Variants in CACNG8 observed in about 807,000 individuals in gnomAD.
The protein encoded by CACNG8 is voltage-dependent calcium channel gamma-8 subunit.
In CACNG8, 5 loss-of-function variants were observed where a neutral mutation model predicts 26.9. That is an observed-to-expected ratio of 0.19 (90% CI 0.10 to 0.39). The LOEUF (loss-of-function observed/expected upper bound fraction) is 0.39, where lower values mean the gene tolerates loss of function less well. Among genes scored for constraint, CACNG8 ranks in the 10% least tolerant of loss-of-function variants. CACNG8 has a pLI of 1.00. For missense variants in CACNG8, 473 were observed against 609.4 expected, an observed-to-expected ratio of 0.78 and a Z score of 2.36; for synonymous variants, 321 against 296.7, an observed-to-expected ratio of 1.08 and a Z score of -0.84.
Position 53,982,942 on chromosome 19 carries a change from C to A in CACNG8, c.*93C>A. 1 of 876,894 alleles carries A rather than the reference C, an allele frequency of 1.1e-6. No individual in the cohort carries two copies. Among genetic ancestry groups the A allele is most frequent in the Non-Finnish European group, 1.5e-6 (1 of 689,086 alleles). The allele number at this position is 876,894 out of a possible 1,614,324, so 54.3% of individuals were successfully genotyped here. A position where few individuals can be genotyped will look rare whatever the true frequency, so the allele number is the denominator to read the frequency against. On this transcript the variant is annotated 3_prime_UTR_variant, in exon 4 of 4. Coordinates refer to ENST00000270458, the MANE Select transcript of CACNG8 (RefSeq NM_031895.6). The surrounding 1 kb of genome is among the most constrained non-coding windows in gnomAD (Gnocchi z 8.4). ...CGGGGTCGGGGGCGCCCCCGCTTTC[C>A]CCCGTGAGCGCGCTGGAGACTGCTG...
In CACNG8 at chr19:53,987,307, T is replaced by C. The variant is rs2145945475; in HGVS notation, c.*4458T>C. The C allele has an allele frequency of 1.3e-5, 2 of 152,346 alleles. 1 individual carries two copies. The highest frequency in any genetic ancestry group is 6.8e-3 in the Middle Eastern group (2 of 294). The allele number at this position is 152,346 out of a possible 1,614,324, so 9.4% of individuals were successfully genotyped here. A position where few individuals can be genotyped will look rare whatever the true frequency, so the allele number is the denominator to read the frequency against. ...CCAATCTGAAATTCCTGGCTTCAAA[T>C]GATCCACCTGCCTCGGCCTCCCAAA... On this transcript the variant is annotated 3_prime_UTR_variant, in exon 4 of 4. Coordinates refer to ENST00000270458, the MANE Select transcript of CACNG8 (RefSeq NM_031895.6).
chr19:53,975,291 G>A (rs8111479), intron 1 of CACNG8, among the ~76,000 whole-genome samples: 131,825 of 152,238 alleles, frequency 0.87, 57,447 homozygotes, highest in African/African-American at 0.97. Flanking sequence ...CGAATATGAG[G>A]TGGTATCTCA....
At position 53,987,863 on chromosome 19, in the gene CACNG8, C is replaced by T. The variant is rs1051114864; in HGVS notation, c.*5014C>T. The T allele has an allele frequency of 1.3e-5, 2 of 151,576 alleles. No homozygotes were observed. Among genetic ancestry groups the T allele is most frequent in the Non-Finnish European group, 2.9e-5 (2 of 67,986 alleles). 9.4% of individuals were successfully genotyped at this position (151,576 alleles called of 1,614,324 possible). ...GGCTCAAAAACGTAAGTTTTGGAAA[C>T]GTCAACATAAAGCCACAGGATTGGG... On this transcript the variant is annotated 3_prime_UTR_variant, in exon 4 of 4. Coordinates refer to ENST00000270458, the MANE Select transcript of CACNG8 (RefSeq NM_031895.6).
chr19:53,985,142 G>T lies in CACNG8; in HGVS notation c.*2293G>T, dbSNP rs1450672640. The T allele has an allele frequency of 6.6e-6, 1 of 152,276 alleles. No individual in the cohort carries two copies. The highest frequency in any genetic ancestry group is 1.5e-5 in the Non-Finnish European group (1 of 68,100). 9.4% of individuals were successfully genotyped at this position (152,276 alleles called of 1,614,324 possible). ...CTTCCCTTCCATATTTGCTCAGCAA[G>T]TGTTTCCTGAGGCCTCCCCCGAAGC... On this transcript the variant is annotated 3_prime_UTR_variant, in exon 4 of 4. Coordinates refer to ENST00000270458, the MANE Select transcript of CACNG8 (RefSeq NM_031895.6).
intron 1 of CACNG8, among the ~76,000 whole-genome samples, chr19:53,965,459 T>C (rs1327839755): frequency 1.3e-5 from 2 of 151,882 alleles, no homozygotes; most frequent in African/African-American, 4.8e-5. Context: ...TGAGTTCATG[T>C]CCATTCACTG....
intron 3 of CACNG8, among the ~76,000 whole-genome samples, chr19:53,981,433 T>C (rs2069367672): frequency 6.8e-6 from 1 of 146,718 alleles, no homozygotes; most frequent in African/African-American, 2.6e-5. Context: ...CCAGCCAGGG[T>C]GGGGTTTAGA....
chr19:53,967,637 C>T (rs1228490014), intron 1 of CACNG8, among the ~76,000 whole-genome samples: 1 of 152,044 alleles, frequency 6.6e-6, no homozygotes, highest in Non-Finnish European at 1.5e-5. Flanking sequence ...GAGTTCAAGA[C>T]CAGCCTGGCC....
At chr19:53,980,644 G>T (rs1052772797) in intron 3 of CACNG8, among the ~76,000 whole-genome samples, 3 of 152,156 alleles carry the variant, frequency 2.0e-5, no homozygotes, top group African/African-American at 7.2e-5. Context: ...AGGGGGAGGG[G>T]TTATGTCCTT....
In CACNG8 at chr19:53,963,097, G is replaced by C; in HGVS notation, c.-46G>C. On this transcript the variant is annotated 5_prime_UTR_variant, in exon 1 of 4. Coordinates refer to ENST00000270458, the MANE Select transcript of CACNG8 (RefSeq NM_031895.6). Reference sequence around the variant, plus strand: ...CAGCCGCCGGCACGGCCCCGCCCCCGCTGCCCCGGTGGTGGCCCACGGCCC... The same window carrying C: ...CAGCCGCCGGCACGGCCCCGCCCCCCCTGCCCCGGTGGTGGCCCACGGCCC... 1.8e-6 allele frequency: 2 copies of C among 1,082,834 alleles called. No homozygotes were observed. Among genetic ancestry groups the C allele is most frequent in the Non-Finnish European group, 1.2e-6 (1 of 867,762 alleles). 67.1% of individuals were successfully genotyped at this position (1,082,834 alleles called of 1,614,324 possible).
chr19:53,968,138 G>A (rs1052860485), intron 1 of CACNG8, among the ~76,000 whole-genome samples: 1 of 152,128 alleles, frequency 6.6e-6, no homozygotes, highest in Non-Finnish European at 1.5e-5. Context: ...ACTTTGGGAG[G>A]CCAAGGCAGG....
Position 53,984,005 on chromosome 19 carries a change from C to G in CACNG8, c.*1156C>G, listed in dbSNP as rs1274488948. ...ATGGTGTACAAAGGGAAGACAGGAA[C>G]TCGGAGGCAAGAGTAGGAGGCAGAG... On this transcript the variant is annotated 3_prime_UTR_variant, in exon 4 of 4. Transcript: ENST00000270458. 1 of 152,340 alleles carries G rather than the reference C, an allele frequency of 6.6e-6. No individual in the cohort carries two copies. Among genetic ancestry groups the G allele is most frequent in the Non-Finnish European group, 1.5e-5 (1 of 68,102 alleles). 9.4% of individuals were successfully genotyped at this position (152,340 alleles called of 1,614,324 possible). A position where few individuals can be genotyped will look rare whatever the true frequency, so the allele number is the denominator to read the frequency against.
At chr19:53,980,081 T>TGCGCGCGC (rs879171630) in intron 3 of CACNG8, 74 bp downstream of exon 3, 1 of 1,230,108 alleles carries the variant, frequency 8.1e-7, no homozygotes, top group Non-Finnish European at 1.1e-6. Context: ...TGTGTGTGTG[T>TGCGCGCGC]GTGTGCGCGC....
intron 1 of CACNG8, among the ~76,000 whole-genome samples, chr19:53,975,051 T>C (rs542836441): frequency 1.3e-4 from 18 of 138,430 alleles, no homozygotes; most frequent in East Asian, 4.6e-4. Flanking sequence ...CGGCTTCAAG[T>C]GATTCTCCTG....
At chr19:53,979,790 G>C in intron 2 of CACNG8, 77 bp from the exon 3 acceptor site, 8 of 1,457,246 alleles carry the variant, frequency 5.5e-6, no homozygotes, top group Non-Finnish European at 7.4e-6. Flanking sequence ...CGAGATGGGG[G>C]GCCGGGAAGG....
At chr19:53,977,260 C>A (rs376028674) in intron 1 of CACNG8, among the ~76,000 whole-genome samples, 1 of 152,214 alleles carries the variant, frequency 6.6e-6, no homozygotes, top group African/African-American at 2.4e-5. Context: ...TAAAGTACTA[C>A]ATCAGCAAAG....
At chr19:53,967,943 G>A (rs188726358) in intron 1 of CACNG8, among the ~76,000 whole-genome samples, 1 of 152,226 alleles carries the variant, frequency 6.6e-6, no homozygotes, top group Non-Finnish European at 1.5e-5. Flanking sequence ...ATTCTTAGCT[G>A]GATTTGGCCT....
At chr19:53,972,361 C>CTTTT (rs577196456) in intron 1 of CACNG8, among the ~76,000 whole-genome samples, 5 of 106,282 alleles carry the variant, frequency 4.7e-5, no homozygotes, top group Admixed American at 1.1e-4. Flanking sequence ...TTCTTCTTTT[C>CTTTT]TTTTTTTTTT....
chr19:53,963,483 G>A, intron 1 of CACNG8, 58 bp downstream of exon 1: 1 of 1,399,568 alleles, frequency 7.1e-7, no homozygotes, highest in Non-Finnish European at 9.3e-7. Flanking sequence ...GAGACCCTGA[G>A]CCTCCCGGGG....
chr19:53,966,388 A>G (rs2069272634), intron 1 of CACNG8, among the ~76,000 whole-genome samples: 1 of 151,716 alleles, frequency 6.6e-6, no homozygotes, highest in South Asian at 2.1e-4. Flanking sequence ...ATGCCTGGCC[A>G]GCTTCTGTGT....
Sources: gnomAD v4.1 joint callset for allele counts (sites outside exome capture counted in the v4.1 genomes callset) on GRCh38, gnomAD v4.1.1 for gene constraint, Gnocchi (gnomAD v3.1) non-coding constraint, MANE v1.5 for transcripts, NCBI Gene and HGNC (gene_info 2026-07-23, HGNC 2026-07-21) for gene names.